PHACTR3: variants seen among roughly 807,000 people sequenced by gnomAD.
The protein encoded by PHACTR3 is protein phosphatase 1, regulatory subunit 123.
PHACTR3 carries 16 observed loss-of-function variants against 66.8 expected under a neutral mutation model. The ratio of observed to expected loss-of-function variants is 0.24; its 90% CI spans 0.16 to 0.36. The LOEUF (loss-of-function observed/expected upper bound fraction) is 0.36, where lower values mean the gene tolerates loss of function less well. Among genes scored for constraint, PHACTR3 ranks in the 10% least tolerant of loss-of-function variants. PHACTR3 has a pLI of 1.00. For missense variants in PHACTR3, 647 were observed against 719.9 expected (o/e 0.90, Z 1.16); for synonymous variants, 323 against 292.1 (o/e 1.11, Z -1.08).
upstream of PHACTR3, among the ~76,000 whole-genome samples, chr20:59,601,087 C>T (rs529563320): frequency 7.2e-5 from 11 of 151,962 alleles, no homozygotes; most frequent in Non-Finnish European, 1.6e-4. Context: ...ACATTAAGAA[C>T]ATTTCTAGAA....
chr20:59,809,535 T>C (rs973060623), intron 8 of PHACTR3, among the ~76,000 whole-genome samples: 2 of 152,232 alleles, frequency 1.3e-5, no homozygotes, highest in Admixed American at 6.5e-5. Flanking sequence ...TTTTAGGAGT[T>C]TACTTTTGAA....
At chr20:59,776,870 CTGAT>C (rs1394876593) in intron 7 of PHACTR3, among the ~76,000 whole-genome samples, 3 of 152,202 alleles carry the variant, frequency 2.0e-5, no homozygotes, top group Non-Finnish European at 4.4e-5. Context: ...CCTTCCTTCT[CTGAT>C]TGAGTGCTCT....
Position 59,804,089 on chromosome 20 carries a change from ATTTCCTCTTT to A in PHACTR3, c.1175-1950_1175-1941del, listed in dbSNP as rs1600685170. On this transcript the variant is annotated intron_variant, in intron 7 of 12. Coordinates refer to ENST00000371015, the MANE Select transcript of PHACTR3 (RefSeq NM_080672.5). The stretch of plus-strand genomic sequence containing the variant: ...TCATTTTAAGCTATGTCTTTTGGAA[ATTTCCTCTTT>A]TGGCTTTTAAGTAGCAAAACCTGGT... 2.0e-5 allele frequency among the ~76,000 whole-genome samples: 3 copies of A among 152,252 alleles called. No homozygotes were observed. The East Asian group carries it at 5.8e-4, about 29-fold the overall frequency.
At chr20:59,598,371 ATCT>A (rs766798943) in intron 1 of PHACTR3, among the ~76,000 whole-genome samples, 31 of 152,302 alleles carry the variant, frequency 2.0e-4, no homozygotes, top group South Asian at 6.2e-4. Context: ...AAGGTAGGTT[ATCT>A]TCTTCTCACT....
chr20:59,658,269 C>T (rs1470243779), intron 1 of PHACTR3, among the ~76,000 whole-genome samples: 1 of 151,568 alleles, frequency 6.6e-6, no homozygotes, highest in Admixed American at 6.6e-5. Context: ...ATAATAGTTA[C>T]TTTGAAATCT....
At chr20:59,760,690 C>A (rs1222106560) in intron 4 of PHACTR3, among the ~76,000 whole-genome samples, 2 of 152,116 alleles carry the variant, frequency 1.3e-5, no homozygotes, top group Admixed American at 6.6e-5. Context: ...TCTTTATCAG[C>A]AGCATGAAAA....
At chr20:59,778,090 T>C (rs910130044) in intron 7 of PHACTR3, among the ~76,000 whole-genome samples, 1 of 152,156 alleles carries the variant, frequency 6.6e-6, no homozygotes, top group African/African-American at 2.4e-5. Context: ...TTGGAGCAGT[T>C]CGCGGGTCCA....
chr20:59,811,285 G>T (rs1169667794), intron 8 of PHACTR3, among the ~76,000 whole-genome samples: 1 of 152,168 alleles, frequency 6.6e-6, no homozygotes, highest in Non-Finnish European at 1.5e-5. Flanking sequence ...TATTGGTTTG[G>T]CTTTGATCAG....
chr20:59,753,926 T>C (rs1243939992), intron 3 of PHACTR3, among the ~76,000 whole-genome samples: 1 of 152,152 alleles, frequency 6.6e-6, no homozygotes. Flanking sequence ...GCCTCCTCCT[T>C]CCACTGCCAG....
chr20:59,591,801 G>A (rs754628173), intron 1 of PHACTR3, among the ~76,000 whole-genome samples: 14 of 152,260 alleles, frequency 9.2e-5, no homozygotes, highest in South Asian at 2.1e-4. Flanking sequence ...GGGCCAAGGC[G>A]TCTGTTACTT....
chr20:59,734,987 A>G (rs2038898153), intron 1 of PHACTR3, among the ~76,000 whole-genome samples: 1 of 151,848 alleles, frequency 6.6e-6, no homozygotes, highest in Admixed American at 6.6e-5. Flanking sequence ...CAGGTACCTT[A>G]GTTTTCTCAG....
chr20:59,784,848 T>C (rs889599056), intron 7 of PHACTR3, among the ~76,000 whole-genome samples: 5 of 152,168 alleles, frequency 3.3e-5, no homozygotes, highest in Non-Finnish European at 7.4e-5. Flanking sequence ...AAAGGCTGCC[T>C]CTGGGCCTGG....
intron 1 of PHACTR3, among the ~76,000 whole-genome samples, chr20:59,590,153 G>A (rs896303581): frequency 1.3e-5 from 2 of 152,236 alleles, no homozygotes; most frequent in African/African-American, 4.8e-5. Flanking sequence ...AGTGATTATG[G>A]CATTGTTATG....
At chr20:59,740,469 A>T (rs1007364230) in intron 1 of PHACTR3, among the ~76,000 whole-genome samples, 1 of 151,294 alleles carries the variant, frequency 6.6e-6, no homozygotes, top group Non-Finnish European at 1.5e-5. Flanking sequence ...GGAATTTCCA[A>T]AAATTTTTTT....
intron 1 of PHACTR3, among the ~76,000 whole-genome samples, chr20:59,666,638 G>A (rs2035999429): frequency 6.6e-6 from 1 of 152,174 alleles, no homozygotes. Context: ...AAGAAAGAGA[G>A]AGAGAGACAA....
At chr20:59,823,993 G>A (rs2042117410) in intron 8 of PHACTR3, among the ~76,000 whole-genome samples, 1 of 152,218 alleles carries the variant, frequency 6.6e-6, no homozygotes, top group Admixed American at 6.5e-5. Flanking sequence ...TCAACAGGGA[G>A]GCCACGAAGT....
chr20:59,817,542 G>A (rs920760019), intron 8 of PHACTR3, among the ~76,000 whole-genome samples: 2 of 152,260 alleles, frequency 1.3e-5, no homozygotes, highest in Non-Finnish European at 2.9e-5. Flanking sequence ...CACAGGAGGC[G>A]GGTGGGGGAT....
chr20:59,743,699 G>A (rs2039261361), intron 2 of PHACTR3, among the ~76,000 whole-genome samples: 1 of 152,250 alleles, frequency 6.6e-6, no homozygotes, highest in Non-Finnish European at 1.5e-5. Flanking sequence ...AATCTCACTT[G>A]GAGGATGCTG....
rs1327364909 is a variant in PHACTR3 at position 59,605,099 on chromosome 20, G to A, written c.85G>A (p.Ala29Thr). 9.5e-6 allele frequency: 13 copies of A among 1,366,380 alleles called. No individual in the cohort carries two copies. The highest frequency in any genetic ancestry group is 3.0e-5 in the Admixed American group (1 of 32,820). 84.6% of individuals were successfully genotyped at this position (1,366,380 alleles called of 1,614,324 possible). The change falls in exon 1 of 13, where the codon GCC becomes ACC. Residue 29 changes from alanine (A) to threonine (T), a missense_variant. Transcript: ENST00000371015. ...CCCCAGCGTCCTCACCGACTCCTCG[G>A]CCACCTCCTCCGCGGACGCCGGGGA... ...SDPSVLTDSS[A>T]TSSADAGENP...
Sources: gnomAD v4.1 joint callset for allele counts (sites outside exome capture counted in the v4.1 genomes callset) on GRCh38, gnomAD v4.1.1 for gene constraint, MANE v1.5 for transcripts, NCBI Gene and HGNC (gene_info 2026-07-23, HGNC 2026-07-21) for gene names.